The following RBFOX1 variants were observed in gnomAD, a reference collection of about 807,000 sequenced individuals.
RBFOX1 encodes the protein RNA binding fox-1 homolog 1, also known as RNA binding protein fox-1 homolog 1.
A neutral mutation model predicts 57.7 loss-of-function variants in RBFOX1; 8 were observed. The ratio of observed to expected loss-of-function variants is 0.14; its 90% CI spans 0.08 to 0.25. The LOEUF is 0.25. RBFOX1 is among the 10% of genes least tolerant of loss of function. The pLI is 1.00. For missense variants in RBFOX1, 611 were observed against 548.5 expected, an observed-to-expected ratio of 1.11 and a Z score of -1.14; for synonymous variants, 326 against 222.4, an observed-to-expected ratio of 1.47 and a Z score of -4.15.
At chr16:5,850,945 A>G (rs1297658516) in intron 3 of RBFOX1, among the ~76,000 whole-genome samples, 1 of 152,198 alleles carries the variant, frequency 6.6e-6, no homozygotes, top group Non-Finnish European at 1.5e-5. Context: ...GGCATCGGGC[A>G]TATCCTGCTG....
At chr16:7,036,940 T>C (rs1277024578) in intron 3 of RBFOX1, among the ~76,000 whole-genome samples, 2 of 151,980 alleles carry the variant, frequency 1.3e-5, no homozygotes, top group African/African-American at 2.4e-5. Flanking sequence ...AAACAAGGAG[T>C]AGATTATTCA....
At chr16:7,587,478 A>T (rs185017785) in intron 7 of RBFOX1, among the ~76,000 whole-genome samples, 178 bp downstream of exon 7, 1 of 152,312 alleles carries the variant, frequency 6.6e-6, no homozygotes, top group African/African-American at 2.4e-5. Context: ...GTTCAGTTTA[A>T]AATGTATAAG....
At chr16:7,217,023 C>CT (rs2092184210) in intron 4 of RBFOX1, among the ~76,000 whole-genome samples, 1 of 84,056 alleles carries the variant, frequency 1.2e-5, no homozygotes, top group Non-Finnish European at 2.4e-5. Flanking sequence ...CTCCCTCCCT[C>CT]CCTCCCTCCC....
At chr16:6,960,174 C>T (rs1296298624) in intron 3 of RBFOX1, among the ~76,000 whole-genome samples, 1 of 152,126 alleles carries the variant, frequency 6.6e-6, no homozygotes, top group Non-Finnish European at 1.5e-5. Context: ...ACTCCCCACA[C>T]CTCCATGATT....
chr16:6,476,137 C>T (rs1212699954), intron 2 of RBFOX1, among the ~76,000 whole-genome samples: 1 of 152,162 alleles, frequency 6.6e-6, no homozygotes, highest in African/African-American at 2.4e-5. Flanking sequence ...GGACGCCACC[C>T]TTTTCTTATA....
chr16:6,991,659 T>A (rs1318427012), intron 3 of RBFOX1, among the ~76,000 whole-genome samples: 5 of 152,060 alleles, frequency 3.3e-5, no homozygotes, highest in South Asian at 2.1e-4. Flanking sequence ...ACCTCAGCTG[T>A]CCAAGTAGCT....
Position 6,029,188 on chromosome 16 carries a change from A to G in RBFOX1, c.-127+9196A>G, listed in dbSNP as rs1567291131. Among the ~76,000 whole-genome samples the G allele has an allele frequency of 2.0e-5, 3 of 152,146 alleles. No homozygotes were observed. In the South Asian group the frequency reaches 6.2e-4, roughly 32 times the overall value. On this transcript the variant is annotated intron_variant, in intron 1 of 15. Coordinates refer to ENST00000550418, the MANE Select transcript of RBFOX1 (RefSeq NM_018723.4). ...TTAGTGTGCTGTGATTTGTGGAAAG[A>G]TATTTTGTTTCCTAGTGAATTTCAT...
intron 3 of RBFOX1, among the ~76,000 whole-genome samples, chr16:6,986,584 G>GCCTGGC (rs1023874834): frequency 1.4e-4 from 21 of 152,264 alleles, no homozygotes; most frequent in African/African-American, 5.1e-4. Context: ...GAGCTCCTGG[G>GCCTGGC]CCTGGCCCAG....
At chr16:7,476,867 G>A (rs532630431) in intron 4 of RBFOX1, among the ~76,000 whole-genome samples, 4 of 152,096 alleles carry the variant, frequency 2.6e-5, no homozygotes, top group East Asian at 3.9e-4. Context: ...GCTGAATATC[G>A]GCAAAAAGTA....
At chr16:7,450,621 C>G (rs894504895) in intron 4 of RBFOX1, among the ~76,000 whole-genome samples, 4 of 152,020 alleles carry the variant, frequency 2.6e-5, no homozygotes, top group Admixed American at 2.6e-4. Flanking sequence ...ATTCCAGGCT[C>G]CTTTCCAGAC....
intron 4 of RBFOX1, among the ~76,000 whole-genome samples, chr16:7,149,975 T>C (rs1000122381): frequency 2.0e-5 from 3 of 152,140 alleles, no homozygotes; most frequent in Non-Finnish European, 2.9e-5. Context: ...GACTTTTATG[T>C]ATGGTATTTC....
Position 5,818,414 on chromosome 16 carries a change from G to A in RBFOX1, c.319-48889G>A, listed in dbSNP as rs118138324. Among the ~76,000 whole-genome samples, 24 of 152,244 alleles carry A rather than the reference G, an allele frequency of 1.6e-4. No homozygotes were observed. In the East Asian group the frequency reaches 3.7e-3, roughly 23 times the overall value. ...GTGTCCTATTTCCTGCTCTTGGGTC[G>A]TGGAGAGGTCTATAAGGAACAGAGA... On this transcript the variant is annotated intron_variant, in intron 3 of 19. Transcript: ENST00000641259.
At chr16:5,592,139 G>C (rs949049995) in intron 2 of RBFOX1, among the ~76,000 whole-genome samples, 10 of 151,880 alleles carry the variant, frequency 6.6e-5, no homozygotes, top group Non-Finnish European at 1.3e-4. Flanking sequence ...TGACCATCTT[G>C]TGAAATTGTC....
rs903922356 is a variant in RBFOX1, at chr16:6,097,328, C to T, written c.-127+77336C>T. On this transcript the variant is annotated intron_variant, in intron 1 of 15. Coordinates refer to ENST00000550418, the MANE Select transcript of RBFOX1 (RefSeq NM_018723.4). The surrounding 1 kb of genome is among the most constrained non-coding windows in gnomAD (Gnocchi z 5.0). ...CTAACATAACCCCCCTTTCTTCCTA[C>T]CCCTGTGATTTGGGTGGATATTAAA... Among the ~76,000 whole-genome samples the T allele has an allele frequency of 1.1e-4, 17 of 152,124 alleles. No individual in the cohort carries two copies. The highest frequency in any genetic ancestry group is 3.9e-4 in the African/African-American group (16 of 41,410).
At chr16:6,900,488 C>T (rs867697392) in intron 3 of RBFOX1, among the ~76,000 whole-genome samples, 1 of 152,200 alleles carries the variant, frequency 6.6e-6, no homozygotes, top group Non-Finnish European at 1.5e-5. Flanking sequence ...TGAAAGCAAA[C>T]ACGATTGCAT....
At chr16:6,803,233 C>G (rs186646141) in intron 3 of RBFOX1, among the ~76,000 whole-genome samples, 204 of 152,198 alleles carry the variant, frequency 1.3e-3, no homozygotes, top group African/African-American at 4.7e-3. Flanking sequence ...TTGCCTATGA[C>G]ATTGCTGTTA....
intron 2 of RBFOX1, among the ~76,000 whole-genome samples, chr16:5,482,219 C>A (rs956324509): frequency 2.0e-5 from 3 of 152,184 alleles, no homozygotes; most frequent in Non-Finnish European, 2.9e-5. Context: ...CATGGAGCAT[C>A]CAGGGTCGGG....
At chr16:5,972,489 TA>T in intron 4 of RBFOX1, among the ~76,000 whole-genome samples, 2 of 152,248 alleles carry the variant, frequency 1.3e-5, no homozygotes, top group East Asian at 3.9e-4. Context: ...CGTCCTCTCT[TA>T]AAATGAGAAT....
rs1356951932 is a variant in RBFOX1 at position 6,780,121 on chromosome 16, A to T, written c.-16+125471A>T. Among the ~76,000 whole-genome samples, 2 of 24,276 alleles carry T rather than the reference A, an allele frequency of 8.2e-5. 1 individual carries two copies. Among genetic ancestry groups the T allele is most frequent in the African/African-American group, 8.0e-4 (2 of 2,492 alleles). The allele number at this position is 24,276 out of a possible 152,430, so 15.9% of individuals were successfully genotyped here. A position where few individuals can be genotyped will look rare whatever the true frequency, so the allele number is the denominator to read the frequency against. ...TATTTTTATATATTTATATATATTTATATATATATTTATATATTTATATAT... is the reference window on the plus strand; with the variant it reads ...TATTTTTATATATTTATATATATTTTTATATATATTTATATATTTATATAT... On this transcript the variant is annotated intron_variant, in intron 3 of 15. Coordinates refer to ENST00000550418, the MANE Select transcript of RBFOX1 (RefSeq NM_018723.4).
Sources: allele counts gnomAD v4.1 joint callset (sites outside exome capture counted in the v4.1 genomes callset), GRCh38; gene constraint gnomAD v4.1.1; non-coding constraint Gnocchi (gnomAD v3.1); transcripts MANE v1.5; gene names NCBI Gene and HGNC (gene_info 2026-07-23, HGNC 2026-07-21).